The following GCNT1 variants were observed in gnomAD, a reference collection of about 807,000 sequenced individuals.
The protein encoded by GCNT1 is beta-1,3-galactosyl-O-glycosyl-glycoprotein beta-1,6-N-acetylglucosaminyltransferase.
GCNT1 carries 16 observed loss-of-function variants against 26.2 expected under a neutral mutation model. The ratio of observed to expected loss-of-function variants is 0.61; its 90% CI spans 0.41 to 0.93. The LOEUF is 0.93. GCNT1 is among the 40% of genes least tolerant of loss of function. GCNT1 has a pLI of 0.00. For synonymous variants in GCNT1, 183 were observed against 190.8 expected (o/e 0.96, Z 0.34); for missense variants, 477 against 526.7 (o/e 0.91, Z 0.92).
exon 1 of GCNT1, chr9:76,442,047 AG>A: frequency 6.6e-6 from 1 of 152,368 alleles, no homozygotes; most frequent in African/African-American, 2.4e-5. Flanking sequence ...AGTGTGACTC[AG>A]AGACACCTCT....
chr9:76,397,074 G>A, the GCNT1 span, among the ~76,000 whole-genome samples: 3 of 152,186 alleles, frequency 2.0e-5, no homozygotes, highest in African/African-American at 7.2e-5. Flanking sequence ...CTGAGGCCAG[G>A]AGTTCAATAC....
chr9:76,459,426 T>TC (rs1489719216), intron 1 of GCNT1, 121 bp downstream of exon 1: 4 of 151,846 alleles, frequency 2.6e-5, no homozygotes, highest in African/African-American at 9.7e-5. Flanking sequence ...CGGGCTGGGC[T>TC]CCCCCGCGGA....
At chr9:76,487,933 C>T (rs140550547) in intron 2 of GCNT1, among the ~76,000 whole-genome samples, 4 of 152,280 alleles carry the variant, frequency 2.6e-5, no homozygotes, top group South Asian at 4.1e-4. Flanking sequence ...AGAGTCTCTC[C>T]GTGTTGCCCA....
intron 2 of GCNT1, among the ~76,000 whole-genome samples, chr9:76,479,799 T>C (rs139817961): frequency 2.1e-3 from 317 of 152,352 alleles, no homozygotes; most frequent in African/African-American, 7.4e-3. Flanking sequence ...TCCCATTCTG[T>C]AGGTTGGTTC....
chr9:76,492,416 A>C (rs573170720), intron 2 of GCNT1, among the ~76,000 whole-genome samples: 2 of 152,114 alleles, frequency 1.3e-5, no homozygotes, highest in Admixed American at 6.6e-5. Context: ...AGGCCATCCC[A>C]GGATTCCTCA....
At chr9:76,445,220 T>C (rs1823555929) in intron 1 of GCNT1, among the ~76,000 whole-genome samples, 1 of 152,058 alleles carries the variant, frequency 6.6e-6, no homozygotes, top group South Asian at 2.1e-4. Flanking sequence ...AAGTATAACA[T>C]CAGAGGATGT....
At chr9:76,396,064 A>G in the GCNT1 span, among the ~76,000 whole-genome samples, 16 of 152,344 alleles carry the variant, frequency 1.1e-4, no homozygotes, top group South Asian at 2.5e-3. Context: ...CAGCAGTGAT[A>G]CACCTAATAA....
intron 2 of GCNT1, among the ~76,000 whole-genome samples, chr9:76,484,382 AAGAG>A (rs1018690972): frequency 1.4e-4 from 21 of 151,990 alleles, no homozygotes; most frequent in Admixed American, 2.0e-4. Context: ...AAAAAAAAAA[AAGAG>A]AGAGAAAGCA....
intron 2 of GCNT1, among the ~76,000 whole-genome samples, chr9:76,478,088 G>A (rs1262777889): frequency 6.6e-6 from 1 of 152,198 alleles, no homozygotes; most frequent in Non-Finnish European, 1.5e-5. Context: ...TCAGTGCTCT[G>A]TAAAATGGAC....
intron 2 of GCNT1, among the ~76,000 whole-genome samples, chr9:76,467,838 C>T (rs1046546413): frequency 6.7e-6 from 1 of 150,098 alleles, no homozygotes; most frequent in Non-Finnish European, 1.5e-5. Flanking sequence ...GTGTAAGAAC[C>T]TCTATTTATA....
At chr9:76,452,802 A>G (rs1032254298) in intron 1 of GCNT1, among the ~76,000 whole-genome samples, 4 of 152,052 alleles carry the variant, frequency 2.6e-5, no homozygotes, top group African/African-American at 7.2e-5. Flanking sequence ...TCGAAACCAT[A>G]TCACCCCCGA....
At chr9:76,484,222 A>T (rs1311846195) in intron 2 of GCNT1, among the ~76,000 whole-genome samples, 1 of 152,136 alleles carries the variant, frequency 6.6e-6, no homozygotes, top group Non-Finnish European at 1.5e-5. Flanking sequence ...GTGAGACCCT[A>T]TCTCTACAAA....
At chr9:76,455,855 G>A (rs527431790), upstream of GCNT1, among the ~76,000 whole-genome samples, 7 of 152,258 alleles carry the variant, frequency 4.6e-5, no homozygotes, top group South Asian at 8.3e-4. Context: ...TGCCCACCTC[G>A]GCCTCCCGAA....
chr9:76,468,848 G>A (rs139503784), intron 2 of GCNT1, among the ~76,000 whole-genome samples: 163 of 152,292 alleles, frequency 1.1e-3, no homozygotes, highest in African/African-American at 3.8e-3. Context: ...GGAAGTGGCT[G>A]TGTGGAGAAG....
upstream of GCNT1, among the ~76,000 whole-genome samples, chr9:76,417,574 G>C (rs1408874125): frequency 6.6e-6 from 1 of 152,116 alleles, no homozygotes; most frequent in East Asian, 1.9e-4. Flanking sequence ...GGTACTGTTG[G>C]CTTTTCTGAT....
chr9:76,431,723 G>T (rs1010202768), intron 1 of GCNT1, among the ~76,000 whole-genome samples: 1 of 152,300 alleles, frequency 6.6e-6, no homozygotes, highest in South Asian at 2.1e-4. Flanking sequence ...CTCAAATTAA[G>T]CGGTTGGTCT....
the GCNT1 span, among the ~76,000 whole-genome samples, chr9:76,394,878 C>A: frequency 6.6e-6 from 1 of 152,220 alleles, no homozygotes. Context: ...CTCCAAAATT[C>A]AGCTCAAAGA....
intron 1 of GCNT1, among the ~76,000 whole-genome samples, chr9:76,444,680 C>A (rs1823547097): frequency 6.6e-6 from 1 of 152,214 alleles, no homozygotes; most frequent in African/African-American, 2.4e-5. Context: ...ACACCAGATA[C>A]AGGCAATTCT....
intron 1 of GCNT1, among the ~76,000 whole-genome samples, chr9:76,449,312 C>CAA (rs35445634): frequency 6.7e-6 from 1 of 148,326 alleles, no homozygotes; most frequent in Non-Finnish European, 1.5e-5. Context: ...TAAAAAACAA[C>CAA]AAAAAAAAAA....
Sources: allele counts gnomAD v4.1 joint callset (sites outside exome capture counted in the v4.1 genomes callset), GRCh38; gene constraint gnomAD v4.1.1; transcripts MANE v1.5; gene names NCBI Gene and HGNC (gene_info 2026-07-23, HGNC 2026-07-21).